Variants in CWC22 observed in about 807,000 individuals in gnomAD.
CWC22 encodes the protein pre-mRNA-splicing factor CWC22 homolog.
CWC22 carries 53 observed loss-of-function variants against 117.2 expected under a neutral mutation model. That is an observed-to-expected ratio of 0.45 (90% CI 0.36 to 0.57). CWC22 has a LOEUF of 0.57. CWC22 is among the 20% of genes least tolerant of loss of function. CWC22 has a pLI of 0.00. For synonymous variants in CWC22, 360 were observed against 355.6 expected (o/e 1.01, Z -0.14); for missense variants, 980 against 1,068.8 (o/e 0.92, Z 1.16).
At chr2:179,958,792 C>T (rs1362049355) in intron 14 of CWC22, among the ~76,000 whole-genome samples, 2 of 152,152 alleles carry the variant, frequency 1.3e-5, no homozygotes, top group Non-Finnish European at 2.9e-5. Context: ...GTTTCAGAGA[C>T]TCTCTTTTTA....
rs761114703 is a variant in CWC22, at chr2:179,965,903, CTCT to C, written c.1287_1289del (p.Glu432del). ...CTTCTTCATCTTCTTCTCCCTCTTC[CTCT>C]TCTTCTTCCTCGTCCTCTTCACTAC... On this transcript the variant is annotated inframe_deletion, in exon 12 of 20. Transcript: ENST00000410053. 5.0e-5 allele frequency: 78 copies of C among 1,574,546 alleles called. 3 individuals are homozygous for C. Among genetic ancestry groups the C allele is most frequent in the East Asian group, 3.1e-4 (14 of 44,676 alleles).
rs996822985 is a variant in CWC22 at position 179,974,847 on chromosome 2, G to A, written c.582-1045C>T. On this transcript the variant is annotated intron_variant, in intron 6 of 19. Coordinates refer to ENST00000410053, the MANE Select transcript of CWC22 (RefSeq NM_020943.3). Reference sequence around the variant, plus strand: ...GCTCACTGGAAGCTCTGCCTCCTGGGCTCAAGCAATCCTCCCACCTCAGCC... The same window carrying A: ...GCTCACTGGAAGCTCTGCCTCCTGGACTCAAGCAATCCTCCCACCTCAGCC... 9.9e-5 allele frequency among the ~76,000 whole-genome samples: 15 copies of A among 152,204 alleles called. No individual in the cohort carries two copies. In the East Asian group the frequency reaches 2.1e-3, roughly 22 times the overall value.
intron 4 of CWC22, among the ~76,000 whole-genome samples, chr2:179,984,977 TCTA>T (rs1487285773): frequency 1.3e-5 from 2 of 152,034 alleles, no homozygotes; most frequent in African/African-American, 4.8e-5. Flanking sequence ...TTTCTTAGTA[TCTA>T]CTATGTTCAG....
At chr2:179,988,831 A>G (rs1421678317) in intron 2 of CWC22, among the ~76,000 whole-genome samples, 187 bp from the exon 3 acceptor site, 1 of 152,166 alleles carries the variant, frequency 6.6e-6, no homozygotes, top group African/African-American at 2.4e-5. Flanking sequence ...ACCATCCCAG[A>G]TAGGCCTGTC....
chr2:179,966,776 A>T (rs917545258), intron 11 of CWC22, among the ~76,000 whole-genome samples: 5 of 152,200 alleles, frequency 3.3e-5, no homozygotes, highest in Non-Finnish European at 5.9e-5. Context: ...ATACCTGACC[A>T]ACTCTTTACT....
At chr2:179,960,089 G>A (rs1050729182) in intron 13 of CWC22, among the ~76,000 whole-genome samples, 4 of 151,980 alleles carry the variant, frequency 2.6e-5, no homozygotes, top group Admixed American at 6.5e-5. Context: ...AATGCTTATC[G>A]AATGTTTTCC....
intron 1 of CWC22, among the ~76,000 whole-genome samples, chr2:179,997,744 T>C (rs986826999): frequency 2.6e-5 from 4 of 152,306 alleles, no homozygotes; most frequent in South Asian, 2.1e-4. Flanking sequence ...GCCCAGCATC[T>C]TTCTAGGCAC....
chr2:179,963,247 A>G (rs556014478), intron 13 of CWC22, among the ~76,000 whole-genome samples: 2 of 152,164 alleles, frequency 1.3e-5, no homozygotes, highest in South Asian at 4.1e-4. Flanking sequence ...AAGGACAAAC[A>G]AATGAAAGGT....
At chr2:179,980,487 G>A (rs1042192116) in intron 5 of CWC22, among the ~76,000 whole-genome samples, 28 of 146,882 alleles carry the variant, frequency 1.9e-4, no homozygotes, top group South Asian at 8.5e-4. Context: ...GTGCGATCTC[G>A]GCTCACTGCA....
rs533353756 is a variant in CWC22 at position 179,955,087 on chromosome 2, T to C, written c.1459-53A>G. 2.5e-5 allele frequency: 31 copies of C among 1,264,882 alleles called. No individual in the cohort carries two copies. The African/African-American group carries it at 4.0e-4, about 16-fold the overall frequency. 78.4% of individuals were successfully genotyped at this position (1,264,882 alleles called of 1,614,324 possible). A position where few individuals can be genotyped will look rare whatever the true frequency, so the allele number is the denominator to read the frequency against. On this transcript the variant is annotated intron_variant, in intron 14 of 19. Transcript: ENST00000410053. ...ATTCAAAACACAAAGAGACTAAATATTGTATAATTTACCAGTATGATAGTG... is the reference window on the plus strand; with the variant it reads ...ATTCAAAACACAAAGAGACTAAATACTGTATAATTTACCAGTATGATAGTG...
intron 5 of CWC22, among the ~76,000 whole-genome samples, chr2:179,978,637 T>G (rs1315245578): frequency 6.6e-6 from 1 of 152,148 alleles, no homozygotes; most frequent in Non-Finnish European, 1.5e-5. Context: ...CATGCTTATT[T>G]TACATATAAT....
intron 1 of CWC22, among the ~76,000 whole-genome samples, chr2:180,001,564 A>C (rs933795921): frequency 1.1e-4 from 17 of 152,232 alleles, no homozygotes; most frequent in Middle Eastern, 3.4e-3. Context: ...TCCTGACCTC[A>C]AGTGATCTGC....
chr2:179,993,918 G>A (rs945262890), intron 1 of CWC22, among the ~76,000 whole-genome samples: 1 of 152,066 alleles, frequency 6.6e-6, no homozygotes, highest in African/African-American at 2.4e-5. Flanking sequence ...TGATCATTAA[G>A]AAATAAATTT....
chr2:179,988,623 T>C lies in CWC22; in HGVS notation c.49A>G (p.Arg17Gly). ...QIKPSSGHDR[R>G]ENLNSYQRNS... is the part of the protein sequence containing the mutation. ...CTCTGATATGAATTAAGGTTTTCCC[T>C]TCTGTCATGACCAGAAGAAGGCTTT... Residue 17 changes from arginine (R) to glycine (G), a missense_variant, in exon 3 of 20, where the codon AGG becomes GGG. Transcript: ENST00000410053. The C allele has an allele frequency of 6.6e-7, 1 of 1,522,808 alleles. No individual in the cohort carries two copies. Among genetic ancestry groups the C allele is most frequent in the Non-Finnish European group, 8.9e-7 (1 of 1,128,142 alleles). 94.3% of individuals were successfully genotyped at this position (1,522,808 alleles called of 1,614,324 possible).
intron 1 of CWC22, among the ~76,000 whole-genome samples, chr2:179,998,806 A>G (rs1347388215): frequency 1.3e-5 from 2 of 152,122 alleles, no homozygotes; most frequent in Non-Finnish European, 2.9e-5. Flanking sequence ...CAAAAAATAA[A>G]AATAAAAAAT....
rs910527604 is a variant in CWC22, at chr2:179,965,885, A to C, written c.1308T>G (p.Asp436Glu). ...AATATGCTACATGTTTACCTTCTTC[A>C]TCTTCTTCTCCCTCTTCCTCTTCTT... ...EEEEEEEGEE[D>E]EEGQKVTIHD... The change falls in exon 12 of 20, where the codon GAT becomes GAG. Residue 436 changes from aspartate (D) to glutamate (E), a missense_variant. This residue lies in a region of CWC22 where 559 missense variants were observed against 602.3 expected (regional missense o/e 0.93). Coordinates refer to ENST00000410053, the MANE Select transcript of CWC22 (RefSeq NM_020943.3). The C allele has an allele frequency of 5.3e-6, 8 of 1,515,514 alleles. No homozygotes were observed. Among genetic ancestry groups the C allele is most frequent in the Non-Finnish European group, 7.3e-6 (8 of 1,091,282 alleles). The allele number at this position is 1,515,514 out of a possible 1,614,324, so 93.9% of individuals were successfully genotyped here.
chr2:179,965,766 T>G, intron 12 of CWC22, 112 bp downstream of exon 12: 1 of 900,556 alleles, frequency 1.1e-6, no homozygotes. Context: ...CTAGACGCCA[T>G]CAGCAGCTGT....
At chr2:180,006,601 A>G (rs1483866335) in intron 1 of CWC22, among the ~76,000 whole-genome samples, 7 of 152,230 alleles carry the variant, frequency 4.6e-5, no homozygotes, top group Non-Finnish European at 8.8e-5. Flanking sequence ...TGCCGGCAAG[A>G]GGCATAAGAG....
At chr2:179,960,229 A>G (rs978598232) in intron 13 of CWC22, among the ~76,000 whole-genome samples, 4 of 152,042 alleles carry the variant, frequency 2.6e-5, no homozygotes, top group Non-Finnish European at 4.4e-5. Flanking sequence ...TGATAATCCC[A>G]TATTACAGCA....
Sources: gnomAD v4.1 joint callset for allele counts (sites outside exome capture counted in the v4.1 genomes callset) on GRCh38, gnomAD v4.1.1 for gene constraint, gnomAD v4.1.1 regional missense constraint, MANE v1.5 for transcripts, NCBI Gene and HGNC (gene_info 2026-07-23, HGNC 2026-07-21) for gene names.